The following LMNTD1 variants were observed in gnomAD, a reference collection of about 807,000 sequenced individuals.
LMNTD1 encodes lamin tail domain-containing protein 1.
LMNTD1 carries 35 observed loss-of-function variants against 50.9 expected under a neutral mutation model. The ratio of observed to expected loss-of-function variants is 0.69; its 90% confidence interval spans 0.53 to 0.91. The LOEUF is 0.91. Ranked by LOEUF, LMNTD1 falls within the 40% of genes least tolerant of loss-of-function variation. The pLI is 0.00. For synonymous variants in LMNTD1, 153 were observed against 161.9 expected, an observed-to-expected ratio of 0.94 and a Z score of 0.42; for missense variants, 470 against 475.5, an observed-to-expected ratio of 0.99 and a Z score of 0.11.
chr12:25,484,307 C>A (rs971602026), intron 9 of LMNTD1, among the ~76,000 whole-genome samples: 8 of 151,746 alleles, frequency 5.3e-5, no homozygotes, highest in Non-Finnish European at 1.0e-4. Context: ...CTATGTTGCC[C>A]AGGCTGGTCT....
At chr12:25,533,670 A>G (rs188875698) in intron 4 of LMNTD1, among the ~76,000 whole-genome samples, 5 of 152,298 alleles carry the variant, frequency 3.3e-5, no homozygotes, top group Admixed American at 6.5e-5. Context: ...AGTTAGAAAG[A>G]TTCAGGGAAC....
rs191470503 is a variant in LMNTD1, at chr12:25,523,968, G to A, written c.798+2131C>T. The stretch of plus-strand genomic sequence containing the variant: ...AGCAGTCAAGCACTGGAAAGCAAAA[G>A]TAGTATGAGAAGTAGGGCAGTGTGG... On this transcript the variant is annotated intron_variant, in intron 6 of 9. Transcript: ENST00000458174. 2.6e-5 allele frequency among the ~76,000 whole-genome samples: 4 copies of A among 152,322 alleles called. No homozygotes were observed. The East Asian group carries it at 5.8e-4, about 22-fold the overall frequency.
At chr12:25,544,367 C>CTGATA (rs3077283) in intron 4 of LMNTD1, among the ~76,000 whole-genome samples, 117,216 of 150,930 alleles carry the variant, frequency 0.78, 46,212 homozygotes, top group East Asian at 0.9. Context: ...TCTATTTTAT[C>CTGATA]TAAGTATAGC....
At chr12:25,487,393 CTTCT>C (rs1206641396) in intron 9 of LMNTD1, among the ~76,000 whole-genome samples, 10 of 133,316 alleles carry the variant, frequency 7.5e-5, no homozygotes, top group African/African-American at 2.0e-4. Flanking sequence ...ATGTAATGGC[CTTCT>C]TTGTCTCTTT....
At chr12:25,505,911 G>A (rs533356307) in intron 8 of LMNTD1, among the ~76,000 whole-genome samples, 59 of 152,146 alleles carry the variant, frequency 3.9e-4, no homozygotes, top group Non-Finnish European at 7.1e-4. Flanking sequence ...TCACAGAAAC[G>A]TCATGTTATT....
intron 9 of LMNTD1, among the ~76,000 whole-genome samples, chr12:25,484,300 T>C (rs1196298437): frequency 6.6e-6 from 1 of 151,952 alleles, no homozygotes; most frequent in Non-Finnish European, 1.5e-5. Flanking sequence ...GGTCTCTCTA[T>C]GTTGCCCAGG....
chr12:25,539,901 C>T (rs998572434), intron 4 of LMNTD1, among the ~76,000 whole-genome samples: 11 of 151,670 alleles, frequency 7.3e-5, no homozygotes, highest in Non-Finnish European at 1.3e-4. Context: ...ATATCACCAC[C>T]GATCCCACAG....
At chr12:25,543,141 C>G (rs961150127) in intron 4 of LMNTD1, among the ~76,000 whole-genome samples, 2 of 151,780 alleles carry the variant, frequency 1.3e-5, no homozygotes, top group African/African-American at 4.8e-5. Context: ...AAAACTTTAC[C>G]ACCAAGAAAT....
At chr12:25,587,781 C>T (rs901088364) in intron 1 of LMNTD1, among the ~76,000 whole-genome samples, 2 of 152,170 alleles carry the variant, frequency 1.3e-5, no homozygotes, top group Non-Finnish European at 2.9e-5. Context: ...GGCATATTGC[C>T]TAGGCCCTCA....
chr12:25,541,999 C>A (rs75344683), intron 4 of LMNTD1, among the ~76,000 whole-genome samples: 117,717 of 151,752 alleles, frequency 0.78, 46,417 homozygotes, highest in East Asian at 0.9. Context: ...CATCAGAGAC[C>A]TGCAAATCAA....
At chr12:25,576,535 GT>G (rs548288764) in intron 1 of LMNTD1, among the ~76,000 whole-genome samples, 226 of 152,272 alleles carry the variant, frequency 1.5e-3, no homozygotes, top group Non-Finnish European at 2.0e-3. Flanking sequence ...TTTTGATGGG[GT>G]TGTTTGATTT....
At chr12:25,519,588 A>T (rs1195187827) in intron 7 of LMNTD1, among the ~76,000 whole-genome samples, 23 of 119,432 alleles carry the variant, frequency 1.9e-4, no homozygotes, top group Non-Finnish European at 3.6e-4. Context: ...ACTCTGTCTC[A>T]AAAAAAAAAA....
At chr12:25,516,034 T>C (rs1345392932) in intron 8 of LMNTD1, among the ~76,000 whole-genome samples, 1 of 152,146 alleles carries the variant, frequency 6.6e-6, no homozygotes, top group Non-Finnish European at 1.5e-5. Flanking sequence ...TAACAAACCA[T>C]GTAACTTTCC....
At chr12:25,638,239 C>T (rs776930755) in intron 1 of LMNTD1, among the ~76,000 whole-genome samples, 4 of 152,064 alleles carry the variant, frequency 2.6e-5, no homozygotes, top group Admixed American at 6.5e-5. Flanking sequence ...ACATACTTAA[C>T]GGTGAAAGAC....
intron 1 of LMNTD1, among the ~76,000 whole-genome samples, chr12:25,593,800 T>TAA (rs200768990): frequency 1.5e-5 from 2 of 132,304 alleles, no homozygotes; most frequent in African/African-American, 2.7e-5. Flanking sequence ...CTAAGGAAAT[T>TAA]AAAAAAAAAA....
intron 1 of LMNTD1, among the ~76,000 whole-genome samples, chr12:25,599,303 T>C (rs545442452): frequency 1.3e-4 from 20 of 152,094 alleles, no homozygotes; most frequent in Non-Finnish European, 2.2e-4. Flanking sequence ...AGAAGGGACA[T>C]ACCTAAACGT....
chr12:25,604,846 C>G (rs901542582), intron 1 of LMNTD1, among the ~76,000 whole-genome samples: 1 of 152,140 alleles, frequency 6.6e-6, no homozygotes, highest in Admixed American at 6.5e-5. Flanking sequence ...GATTTATAAT[C>G]CTTTGCGTAT....
At chr12:25,647,374 A>G (rs974022245) in intron 1 of LMNTD1, among the ~76,000 whole-genome samples, 3 of 152,160 alleles carry the variant, frequency 2.0e-5, no homozygotes, top group Non-Finnish European at 4.4e-5. Flanking sequence ...AGTCCTTCCC[A>G]GCTGCTCTGA....
chr12:25,517,817 T>C (rs1301908012), intron 8 of LMNTD1, among the ~76,000 whole-genome samples: 1 of 151,746 alleles, frequency 6.6e-6, no homozygotes, highest in Non-Finnish European at 1.5e-5. Flanking sequence ...ATCATTCCAC[T>C]TCTAAAAGGT....
Sources: allele counts gnomAD v4.1 joint callset (sites outside exome capture counted in the v4.1 genomes callset), GRCh38; gene constraint gnomAD v4.1.1; transcripts MANE v1.5; gene names NCBI Gene and HGNC (gene_info 2026-07-23, HGNC 2026-07-21).